CCDC3: variants seen among roughly 807,000 people sequenced by gnomAD.
CCDC3 encodes coiled-coil domain containing 3.
In CCDC3, 24 loss-of-function variants were observed where a neutral mutation model predicts 21.4. The ratio of observed to expected loss-of-function variants is 1.12; its 90% confidence interval spans 0.81 to 1.58. The LOEUF (loss-of-function observed/expected upper bound fraction) is 1.58. CCDC3 is among the 40% of genes most tolerant of loss of function. The pLI, the probability that CCDC3 is intolerant of heterozygous loss-of-function variation, is 0.00. For synonymous variants in CCDC3, 186 were observed against 166.0 expected (o/e 1.12, Z -0.93); for missense variants, 425 against 360.9 (o/e 1.18, Z -1.44).
At chr10:13,040,792 A>G (rs1836444255) in intron 5 of CCDC3, among the ~76,000 whole-genome samples, 1 of 152,018 alleles carries the variant, frequency 6.6e-6, no homozygotes, top group African/African-American at 2.4e-5. Flanking sequence ...TAAACTGGCC[A>G]CCTGCATACC....
At chr10:12,954,076 T>C (rs1291340409) in intron 2 of CCDC3, among the ~76,000 whole-genome samples, 1 of 152,162 alleles carries the variant, frequency 6.6e-6, no homozygotes, top group African/African-American at 2.4e-5. Flanking sequence ...TACTAAAAAA[T>C]TTTAAAAAGC....
intron 3 of CCDC3, among the ~76,000 whole-genome samples, chr10:13,077,682 C>G (rs2131444729): frequency 6.6e-6 from 1 of 152,244 alleles, no homozygotes; most frequent in African/African-American, 2.4e-5. Context: ...TGGAACACAA[C>G]AGAGCCCTCA....
chr10:13,004,423 C>A (rs1482501431), upstream of CCDC3, among the ~76,000 whole-genome samples: 2 of 152,138 alleles, frequency 1.3e-5, no homozygotes, highest in East Asian at 3.9e-4. Flanking sequence ...TGATCAGAAA[C>A]ATCACTATGG....
At chr10:12,918,292 CCAA>C (rs1290152966) in intron 2 of CCDC3, among the ~76,000 whole-genome samples, 1 of 152,030 alleles carries the variant, frequency 6.6e-6, no homozygotes, top group Non-Finnish European at 1.5e-5. Flanking sequence ...AATTTCTTGG[CCAA>C]CGTTTTTAAA....
At chr10:12,928,669 C>T (rs1212756859) in intron 2 of CCDC3, among the ~76,000 whole-genome samples, 2 of 152,312 alleles carry the variant, frequency 1.3e-5, no homozygotes, top group Non-Finnish European at 2.9e-5. Flanking sequence ...ACCTCCCAGC[C>T]TGCCCACATT....
At chr10:12,977,980 A>G (rs1835440573) in intron 2 of CCDC3, among the ~76,000 whole-genome samples, 2 of 151,682 alleles carry the variant, frequency 1.3e-5, no homozygotes, top group Admixed American at 1.3e-4. Context: ...TTAAGGGACC[A>G]CATGTATCGC....
chr10:13,017,040 G>A (rs1038382894), intron 5 of CCDC3, among the ~76,000 whole-genome samples: 1 of 152,052 alleles, frequency 6.6e-6, no homozygotes, highest in Non-Finnish European at 1.5e-5. Context: ...GTCTGAGGTT[G>A]AGGAGCGCCT....
At chr10:13,090,034 GATATATATAT>G (rs66476163) in intron 3 of CCDC3, among the ~76,000 whole-genome samples, 19,084 of 128,548 alleles carry the variant, frequency 0.15, 1,970 homozygotes, top group Middle Eastern at 0.22. Context: ...TATTCCGTTA[GATATATATAT>G]ATATATATAT....
At chr10:12,959,172 A>C (rs1249548191) in intron 2 of CCDC3, among the ~76,000 whole-genome samples, 1 of 40,862 alleles carries the variant, frequency 2.4e-5, no homozygotes, top group South Asian at 1.1e-3. Flanking sequence ...ACAAGCTACA[A>C]TCTTTTTTTT....
intron 2 of CCDC3, among the ~76,000 whole-genome samples, chr10:12,966,520 C>CCTTGGGAGCTCTTGGGAGCTGGG (rs1284425254): frequency 1.3e-5 from 2 of 152,148 alleles, no homozygotes; most frequent in Non-Finnish European, 2.9e-5. Context: ...CTCCCCTTTT[C>CCTTGGGAGCTCTTGGGAGCTGGG]CTCTTGGGAG....
At chr10:12,996,405 G>A (rs553431320) in intron 2 of CCDC3, among the ~76,000 whole-genome samples, 2 of 151,632 alleles carry the variant, frequency 1.3e-5, no homozygotes, top group East Asian at 3.9e-4. Flanking sequence ...GTGTGATCTC[G>A]GCTCACTGCA....
In CCDC3 at chr10:12,898,506, C is replaced by T. The variant is rs779735298; in HGVS notation, c.723G>A (p.Ala241=). The change falls in exon 3 of 3, where the codon GCG becomes GCA. Residue 241 remains alanine, a synonymous_variant. Coordinates refer to ENST00000378825, the MANE Select transcript of CCDC3 (RefSeq NM_031455.4). Reference sequence around the variant, plus strand: ...CCAGCTTCTCACTGAGTTTCTGGTTCGCCAGCTCCAGGTGGCGGCCCTTCT... The same window carrying T: ...CCAGCTTCTCACTGAGTTTCTGGTTTGCCAGCTCCAGGTGGCGGCCCTTCT... ...ARKKGRHLEL[A]NQKLSEKLAA... 2 of 1,614,110 alleles carry T rather than the reference C, an allele frequency of 1.2e-6. No individual in the cohort carries two copies. The highest frequency in any genetic ancestry group is 3.3e-5 in the Admixed American group (2 of 60,026).
intron 3 of CCDC3, among the ~76,000 whole-genome samples, chr10:13,090,305 G>A (rs1189476336): frequency 2.0e-5 from 3 of 151,960 alleles, no homozygotes. Flanking sequence ...TGGCCAGATT[G>A]TCTTGATCTC....
intron 5 of CCDC3, among the ~76,000 whole-genome samples, chr10:13,017,524 AAAAAAAAG>A (rs1279475494): frequency 6.7e-6 from 1 of 149,002 alleles, no homozygotes. Context: ...CTCAAAAAAA[AAAAAAAAG>A]AAAAGAAAAG....
At position 12,898,652 on chromosome 10, in the gene CCDC3, A is replaced by T; in HGVS notation, c.577T>A (p.Leu193Met). The change falls in exon 3 of 3, where the codon TTG (leucine) becomes ATG (methionine). Residue 193 changes from leucine (L) to methionine (M), a missense_variant. Physicochemically the swap from Leu to Met is conservative, Grantham distance 15. Transcript: ENST00000378825. ...RLMCSSVQKA[L>M]FEEEDHVKKL... ...TTGACGTGGTCCTCCTCCTCAAACA[A>T]GGCCTTCTGCACCGAGGAGCACATG... 6.2e-7 allele frequency: 1 copy of T among 1,614,160 alleles called. No homozygotes were observed. Among genetic ancestry groups the T allele is most frequent in the Non-Finnish European group, 8.5e-7 (1 of 1,180,006 alleles).
chr10:13,017,538 A>C (rs1046199786), intron 5 of CCDC3, among the ~76,000 whole-genome samples: 7 of 151,390 alleles, frequency 4.6e-5, no homozygotes, highest in Admixed American at 4.6e-4. Context: ...AAAAGAAAAG[A>C]AAAGAAAAGA....
At chr10:13,080,770 G>A (rs1025221143) in intron 3 of CCDC3, among the ~76,000 whole-genome samples, 5 of 152,232 alleles carry the variant, frequency 3.3e-5, no homozygotes, top group African/African-American at 9.6e-5. Context: ...ACCTAGCCAC[G>A]GACAGACACT....
chr10:13,098,355 C>T (rs1779213237), intron 3 of CCDC3, among the ~76,000 whole-genome samples: 1 of 150,924 alleles, frequency 6.6e-6, no homozygotes, highest in African/African-American at 2.5e-5. Context: ...TCCCTCTCAC[C>T]CAAGCTGGAG....
rs1339464116 is a variant in CCDC3 at position 12,926,063 on chromosome 10, C to T, written c.550-27384G>A. Among the ~76,000 whole-genome samples, 3 of 152,200 alleles carry T rather than the reference C, an allele frequency of 2.0e-5. No individual in the cohort carries two copies. In the South Asian group the frequency reaches 6.2e-4, roughly 31 times the overall value. On this transcript the variant is annotated intron_variant, in intron 2 of 2. Transcript: ENST00000378825. Reference sequence around the variant, plus strand: ...GAGGGACTGCTGGCTGCCTGCTGACCCAGCTGGCAGGAGCGCAGGACAGTG... The same window carrying T: ...GAGGGACTGCTGGCTGCCTGCTGACTCAGCTGGCAGGAGCGCAGGACAGTG...
Sources: gnomAD v4.1 joint callset for allele counts (sites outside exome capture counted in the v4.1 genomes callset) on GRCh38, gnomAD v4.1.1 for gene constraint, MANE v1.5 for transcripts, NCBI Gene and HGNC (gene_info 2026-07-23, HGNC 2026-07-21) for gene names.